The following ORC3 variants were observed in gnomAD, a reference collection of about 807,000 sequenced individuals.
ORC3 encodes homolog of latheo, Drosophila.
ORC3 carries 78 observed loss-of-function variants against 100.7 expected under a neutral mutation model. The observed-to-expected ratio is 0.77, with a 90% CI of 0.65 to 0.94. The LOEUF (loss-of-function observed/expected upper bound fraction) is 0.94, where lower values mean the gene tolerates loss of function less well. Ranked by LOEUF, ORC3 falls within the 40% of genes least tolerant of loss-of-function variation. The pLI is 0.00. For missense variants in ORC3, 789 were observed against 823.9 expected, an observed-to-expected ratio of 0.96 and a Z score of 0.52; for synonymous variants, 295 against 289.3, an observed-to-expected ratio of 1.02 and a Z score of -0.20.
rs1407711493 is a variant in ORC3, at chr6:87,605,991, G to A, written c.397G>A (p.Val133Ile). 9 of 1,600,580 alleles carry A rather than the reference G, an allele frequency of 5.6e-6. No individual in the cohort carries two copies. Among genetic ancestry groups the A allele is most frequent in the South Asian group, 4.4e-5 (4 of 90,558 alleles). The change falls in exon 5 of 20, where the codon GTA (valine) becomes ATA (isoleucine). Residue 133 changes from valine (V) to isoleucine (I), a missense_variant. Around this residue, in one of 3 missense-constraint regions of ORC3, gnomAD observed 399 missense variants for 382.0 expected, o/e 1.04. Transcript: ENST00000392844. ...EALQNNVTPY[V>I]VSLQAKDCPD... ...CCTTCAGAATAATGTCACACCATAT[G>A]TAGTCTCATTGCAAGCTAAAGATTG...
intron 15 of ORC3, among the ~76,000 whole-genome samples, 166 bp from the exon 16 acceptor site, chr6:87,657,755 G>A (rs1175696890): frequency 6.6e-6 from 1 of 152,114 alleles, no homozygotes; most frequent in Non-Finnish European, 1.5e-5. Context: ...ATTCTTGCCA[G>A]ACCTTAAAAA....
At chr6:87,626,330 T>C (rs1323523092) in intron 11 of ORC3, among the ~76,000 whole-genome samples, 2 of 152,200 alleles carry the variant, frequency 1.3e-5, no homozygotes, top group Non-Finnish European at 2.9e-5. Context: ...ATGGAATGTT[T>C]TTCCATTTGT....
chr6:87,639,400 C>G (rs533025804), intron 13 of ORC3, among the ~76,000 whole-genome samples: 4 of 152,300 alleles, frequency 2.6e-5, no homozygotes, highest in East Asian at 1.9e-4. Context: ...TTTGGCGATG[C>G]CTCCTACCTT....
At chr6:87,626,221 A>C (rs953492168) in intron 11 of ORC3, among the ~76,000 whole-genome samples, 1 of 152,328 alleles carries the variant, frequency 6.6e-6, no homozygotes, top group East Asian at 1.9e-4. Context: ...AGTTCTGTGA[A>C]GAAAGTCATT....
rs368131670 is a variant in ORC3, at chr6:87,601,770, C to T, written c.80-14C>T. ...TATGAAAAAAGAAACTGACTTATTT[C>T]TTTCTGTTTTTAGAGGACTATTTTA... On this transcript the variant is annotated splice_polypyrimidine_tract_variant and intron_variant, in intron 2 of 19. Coordinates refer to ENST00000392844, the MANE Select transcript of ORC3 (RefSeq NM_012381.4). 8.1e-5 allele frequency: 117 copies of T among 1,449,928 alleles called. No homozygotes were observed. Among genetic ancestry groups the T allele is most frequent in the Non-Finnish European group, 1.1e-4 (114 of 1,033,924 alleles). The allele number at this position is 1,449,928 out of a possible 1,614,324, so 89.8% of individuals were successfully genotyped here. A position where few individuals can be genotyped will look rare whatever the true frequency, so the allele number is the denominator to read the frequency against.
intron 13 of ORC3, among the ~76,000 whole-genome samples, chr6:87,642,507 C>T (rs1433897827): frequency 3.3e-5 from 5 of 151,994 alleles, no homozygotes; most frequent in East Asian, 1.9e-4. Flanking sequence ...CAATTGAATC[C>T]GGGAGGCAGA....
At chr6:87,590,374 A>G (rs1394525238) in intron 1 of ORC3, among the ~76,000 whole-genome samples, 182 bp downstream of exon 1, 13 of 152,138 alleles carry the variant, frequency 8.5e-5, no homozygotes, top group African/African-American at 3.1e-4. Context: ...GGGAGCGAGG[A>G]CGCGGATCTG....
intron 16 of ORC3, among the ~76,000 whole-genome samples, chr6:87,658,821 T>A (rs977690723): frequency 4.6e-5 from 7 of 152,054 alleles, no homozygotes; most frequent in African/African-American, 1.7e-4. Flanking sequence ...CTGGGTAAAT[T>A]TAGAAGTCTA....
intron 1 of ORC3, among the ~76,000 whole-genome samples, chr6:87,593,135 A>T (rs74371679): frequency 1.3e-5 from 2 of 152,242 alleles, no homozygotes; most frequent in East Asian, 3.9e-4. Flanking sequence ...TAAGCTATCC[A>T]TCATGTATGA....
At chr6:87,668,367 T>C (rs1269649004), downstream of ORC3, among the ~76,000 whole-genome samples, 2 of 152,176 alleles carry the variant, frequency 1.3e-5, no homozygotes, top group African/African-American at 4.8e-5. Context: ...GAAACAGAAG[T>C]GTTTTGGATT....
chr6:87,644,066 A>G (rs1303116434), intron 13 of ORC3, among the ~76,000 whole-genome samples: 1 of 134,312 alleles, frequency 7.4e-6, no homozygotes, highest in Non-Finnish European at 1.6e-5. Context: ...ACAGATACAG[A>G]TGGCTGACTG....
At chr6:87,629,238 A>G (rs1780134454) in intron 11 of ORC3, among the ~76,000 whole-genome samples, 1 of 152,224 alleles carries the variant, frequency 6.6e-6, no homozygotes, top group Non-Finnish European at 1.5e-5. Flanking sequence ...GATATCTCTT[A>G]ATCCTAAAAT....
the ORC3 span, chr6:87,675,055 CAA>C: frequency 8.2e-4 from 108 of 132,322 alleles, no homozygotes; most frequent in Non-Finnish European, 1.0e-3. Context: ...AATAAAACTA[CAA>C]AAAAAAAAAA....
chr6:87,607,672 G>A lies in ORC3; in HGVS notation c.428-1G>A, dbSNP rs200205712. On this transcript the variant is annotated splice_acceptor_variant, in intron 5 of 19. Transcript: ENST00000392844. LOFTEE classifies it high-confidence loss of function. The stretch of plus-strand genomic sequence containing the variant: ...GCTTTCTTACTTTTTATATTCCACA[G>A]ATATGAAACATTTTTTGCAAAAGTT... 81 of 1,597,430 alleles carry A rather than the reference G, an allele frequency of 5.1e-5. No homozygotes were observed. Among genetic ancestry groups the A allele is most frequent in the Non-Finnish European group, 6.3e-5 (74 of 1,172,788 alleles).
intron 7 of ORC3, among the ~76,000 whole-genome samples, chr6:87,611,656 C>T (rs1778779359): frequency 6.6e-6 from 1 of 151,900 alleles, no homozygotes; most frequent in South Asian, 2.1e-4. Flanking sequence ...GTGGCACGCA[C>T]ATGTAGTCCC....
chr6:87,594,568 C>G, intron 2 of ORC3, 161 bp downstream of exon 2: 21 of 1,280,734 alleles, frequency 1.6e-5, no homozygotes, highest in Non-Finnish European at 2.1e-5. Context: ...TAAGAGGACA[C>G]CCCAGGGCTC....
intron 19 of ORC3, 44 bp from the exon 20 acceptor site, chr6:87,666,974 G>C (rs747930666): frequency 3.3e-6 from 4 of 1,215,278 alleles, no homozygotes; most frequent in Middle Eastern, 1.9e-4. Context: ...ATCCCTTTTT[G>C]TCAAAAATAC....
At chr6:87,609,255 A>G in intron 7 of ORC3, 26 bp downstream of exon 7, 1 of 1,501,644 alleles carries the variant, frequency 6.7e-7, no homozygotes, top group East Asian at 2.4e-5. Context: ...CCTGGCTTTT[A>G]TGAAAAACTC....
At chr6:87,663,245 G>A in intron 17 of ORC3, 101 bp downstream of exon 17, 1 of 910,196 alleles carries the variant, frequency 1.1e-6, no homozygotes, top group Non-Finnish European at 1.6e-6. Flanking sequence ...TGAGCAGAGA[G>A]TCGGCAATTC....
Sources: gnomAD v4.1 joint callset for allele counts (sites outside exome capture counted in the v4.1 genomes callset) on GRCh38, gnomAD v4.1.1 for gene constraint, gnomAD v4.1.1 regional missense constraint, MANE v1.5 for transcripts, NCBI Gene and HGNC (gene_info 2026-07-23, HGNC 2026-07-21) for gene names.